Variants in SMYD3 observed in about 807,000 individuals in gnomAD.
The protein encoded by SMYD3 is histone-lysine N-methyltransferase SMYD3.
In SMYD3, 36 loss-of-function variants were observed where a neutral mutation model predicts 57.7. The ratio of observed to expected loss-of-function variants is 0.62; its 90% confidence interval spans 0.48 to 0.82. The LOEUF (loss-of-function observed/expected upper bound fraction) is 0.82. Among genes scored for constraint, SMYD3 ranks in the 40% least tolerant of loss-of-function variants. The pLI is 0.00. For synonymous variants in SMYD3, 211 were observed against 195.0 expected (o/e 1.08, Z -0.68); for missense variants, 515 against 538.8 (o/e 0.96, Z 0.44).
chr1:246,293,800 G>A (rs1431845491), intron 5 of SMYD3, among the ~76,000 whole-genome samples: 2 of 152,010 alleles, frequency 1.3e-5, no homozygotes, highest in African/African-American at 4.8e-5. Context: ...CTCCTAATTA[G>A]TGCCCTATTC....
chr1:246,323,833 C>T (rs547609097), intron 5 of SMYD3, among the ~76,000 whole-genome samples: 13 of 145,104 alleles, frequency 9.0e-5, no homozygotes, highest in Admixed American at 6.0e-4. Context: ...TAACAAACAC[C>T]TCTCAGCAGG....
At chr1:246,291,534 AT>A (rs1359440095) in intron 5 of SMYD3, among the ~76,000 whole-genome samples, 3 of 152,214 alleles carry the variant, frequency 2.0e-5, no homozygotes, top group Non-Finnish European at 4.4e-5. Context: ...AAATATATTT[AT>A]TTTACTTACA....
chr1:245,804,051 C>T (rs2048014115), intron 10 of SMYD3, among the ~76,000 whole-genome samples: 1 of 151,500 alleles, frequency 6.6e-6, no homozygotes, highest in Non-Finnish European at 1.5e-5. Context: ...CAGCTGGGAC[C>T]ACAGGCGCCC....
chr1:245,853,713 C>CA, intron 10 of SMYD3, among the ~76,000 whole-genome samples: 1 of 84,854 alleles, frequency 1.2e-5, no homozygotes, highest in South Asian at 3.4e-4. Flanking sequence ...CAAACCTTCT[C>CA]AAAAAAAGGA....
At chr1:245,771,791 G>C (rs2046349933) in intron 10 of SMYD3, among the ~76,000 whole-genome samples, 1 of 151,856 alleles carries the variant, frequency 6.6e-6, no homozygotes, top group Non-Finnish European at 1.5e-5. Flanking sequence ...CTTTGTGGTA[G>C]GATAACTTTA....
intron 10 of SMYD3, chr1:245,814,424 A>C: frequency 1.2e-6 from 1 of 810,646 alleles, no homozygotes; most frequent in Non-Finnish European, 1.5e-6. Flanking sequence ...AACTGGGGGC[A>C]AAAAAAAAAT....
Position 246,247,465 on chromosome 1 carries a change from C to CTCTA in SMYD3, c.531+79735_531+79736insTAGA, listed in dbSNP as rs1258011037. 8.9e-3 allele frequency among the ~76,000 whole-genome samples: 993 copies of CTCTA among 111,852 alleles called. 9 individuals carry two copies. Among genetic ancestry groups the CTCTA allele is most frequent in the Middle Eastern group, 0.012 (3 of 248 alleles). The allele number at this position is 111,852 out of a possible 152,430, so 73.4% of individuals were successfully genotyped here. A position where few individuals can be genotyped will look rare whatever the true frequency, so the allele number is the denominator to read the frequency against. ...GATAACTCTCTCTCTCTCTCTCTCT[C>CTCTA]TATATATATATATATATATATTTTT... On this transcript the variant is annotated intron_variant, in intron 5 of 11. Coordinates refer to ENST00000490107, the MANE Select transcript of SMYD3 (RefSeq NM_001167740.2).
At chr1:246,358,383 A>C (rs1166352427) in intron 1 of SMYD3, among the ~76,000 whole-genome samples, 1 of 152,204 alleles carries the variant, frequency 6.6e-6, no homozygotes, top group African/African-American at 2.4e-5. Context: ...TTATTATTCC[A>C]CTGTCAGCAC....
At position 246,138,587 on chromosome 1, in the gene SMYD3, G is replaced by C. The variant is rs530651588; in HGVS notation, c.531+188614C>G. Among the ~76,000 whole-genome samples, 5 of 121,012 alleles carry C rather than the reference G, an allele frequency of 4.1e-5. 1 individual carries two copies. Among genetic ancestry groups the C allele is most frequent in the African/African-American group, 7.6e-5 (3 of 39,316 alleles). The allele number at this position is 121,012 out of a possible 152,430, so 79.4% of individuals were successfully genotyped here. A position where few individuals can be genotyped will look rare whatever the true frequency, so the allele number is the denominator to read the frequency against. On this transcript the variant is annotated intron_variant, in intron 5 of 11. Transcript: ENST00000490107. ...ACTGCAGGCTCCCGCCACCACGCCC[G>C]GCTAATTTTTTGTATTTTTAGTAGA... is the stretch of plus-strand genomic sequence containing the variant.
chr1:246,140,846 C>G (rs2061742490), intron 5 of SMYD3, among the ~76,000 whole-genome samples: 1 of 152,172 alleles, frequency 6.6e-6, no homozygotes, highest in African/African-American at 2.4e-5. Context: ...CCTCCCCTCT[C>G]CGCCTCCTGA....
intron 7 of SMYD3, among the ~76,000 whole-genome samples, chr1:245,924,245 T>C (rs565210131): frequency 6.6e-6 from 1 of 151,998 alleles, no homozygotes; most frequent in Non-Finnish European, 1.5e-5. Context: ...AGCAATCCAG[T>C]CAAGTGAGCC....
Position 245,879,979 on chromosome 1 carries a change from T to C in SMYD3, c.814-16093A>G, listed in dbSNP as rs112274467. Among the ~76,000 whole-genome samples, 63 of 138,112 alleles carry C rather than the reference T, an allele frequency of 4.6e-4. 1 individual carries two copies. Among genetic ancestry groups the C allele is most frequent in the South Asian group, 3.6e-3 (13 of 3,646 alleles). The allele number at this position is 138,112 out of a possible 152,430, so 90.6% of individuals were successfully genotyped here. On this transcript the variant is annotated intron_variant, in intron 8 of 11. Coordinates refer to ENST00000490107, the MANE Select transcript of SMYD3 (RefSeq NM_001167740.2). Reference sequence around the variant, plus strand: ...ACACACCAGAGATAGCACAGGTGCGTTGCTGTACACACCAGAGATAGCACA... The same window carrying C: ...ACACACCAGAGATAGCACAGGTGCGCTGCTGTACACACCAGAGATAGCACA...
chr1:246,320,394 G>GA (rs1341119859), intron 5 of SMYD3, among the ~76,000 whole-genome samples: 1 of 152,134 alleles, frequency 6.6e-6, no homozygotes, highest in African/African-American at 2.4e-5. Context: ...TAATTTGAAA[G>GA]AAAGAAGGAG....
intron 5 of SMYD3, among the ~76,000 whole-genome samples, chr1:246,256,013 G>C (rs991603639): frequency 3.2e-4 from 48 of 150,918 alleles, no homozygotes; most frequent in African/African-American, 1.1e-3. Context: ...TACATACATA[G>C]ATACATAGAT....
chr1:246,255,372 G>A (rs1051811147), intron 5 of SMYD3, among the ~76,000 whole-genome samples: 2 of 151,222 alleles, frequency 1.3e-5, no homozygotes, highest in African/African-American at 4.9e-5. Flanking sequence ...GTTTCTTGAG[G>A]GTTTTTATCA....
chr1:246,331,282 C>T (rs1052486143), intron 3 of SMYD3, among the ~76,000 whole-genome samples: 3 of 152,110 alleles, frequency 2.0e-5, no homozygotes, highest in African/African-American at 4.8e-5. Context: ...GAAAAAGGGC[C>T]GAAGAAATCA....
intron 5 of SMYD3, among the ~76,000 whole-genome samples, chr1:246,014,659 A>T (rs1473313912): frequency 6.6e-6 from 1 of 152,080 alleles, no homozygotes; most frequent in African/African-American, 2.4e-5. Context: ...CTACTTTTAG[A>T]CTTTTGGACT....
chr1:246,375,197 G>A lies in SMYD3; in HGVS notation c.165-20103C>T, dbSNP rs145035305. Among the ~76,000 whole-genome samples the A allele has an allele frequency of 5.7e-3, 868 of 152,230 alleles. 7 individuals are homozygous for A. The Middle Eastern group carries it at 0.078, about 14-fold the overall frequency. ...AATATGTTGTGACTAGAGGCTTTCAGGAACCTAATCCTGTATATCTACTAG... is the reference window on the plus strand; with the variant it reads ...AATATGTTGTGACTAGAGGCTTTCAAGAACCTAATCCTGTATATCTACTAG... On this transcript the variant is annotated intron_variant, in intron 1 of 11. Coordinates refer to ENST00000490107, the MANE Select transcript of SMYD3 (RefSeq NM_001167740.2).
chr1:246,398,853 T>TAA (rs1410021829), intron 1 of SMYD3, among the ~76,000 whole-genome samples: 3 of 152,176 alleles, frequency 2.0e-5, no homozygotes, highest in Non-Finnish European at 4.4e-5. Context: ...AAGAGCTATA[T>TAA]AAAATAGACA....
Sources: gnomAD v4.1 joint callset for allele counts (sites outside exome capture counted in the v4.1 genomes callset) on GRCh38, gnomAD v4.1.1 for gene constraint, MANE v1.5 for transcripts, NCBI Gene and HGNC (gene_info 2026-07-23, HGNC 2026-07-21) for gene names.